RNF216: variants seen among roughly 807,000 people sequenced by gnomAD.
The protein encoded by RNF216 is E3 ubiquitin-protein ligase RNF216.
In RNF216, 72 loss-of-function variants were observed where a neutral mutation model predicts 110.8. The ratio of observed to expected loss-of-function variants is 0.65; its 90% CI spans 0.54 to 0.79. The LOEUF is 0.79. Among genes scored for constraint, RNF216 ranks in the 30% least tolerant of loss-of-function variants. RNF216 has a pLI of 0.00. For missense variants in RNF216, 1,342 were observed against 1,141.2 expected (o/e 1.18, Z -2.54); for synonymous variants, 495 against 407.5 (o/e 1.21, Z -2.59).
chr7:5,702,589 T>G (rs1001740588), intron 13 of RNF216, among the ~76,000 whole-genome samples: 1 of 152,134 alleles, frequency 6.6e-6, no homozygotes, highest in Non-Finnish European at 1.5e-5. Flanking sequence ...TAAAAGAATC[T>G]AACAAACACA....
chr7:5,679,390 G>A (rs539966727), intron 13 of RNF216, among the ~76,000 whole-genome samples: 3 of 152,350 alleles, frequency 2.0e-5, no homozygotes, highest in African/African-American at 4.8e-5. Flanking sequence ...GCTGTGGTCC[G>A]GCCAGCCTCA....
chr7:5,748,949 T>TTA (rs141581160), intron 3 of RNF216, among the ~76,000 whole-genome samples: 1 of 152,226 alleles, frequency 6.6e-6, no homozygotes, highest in East Asian at 1.9e-4. Context: ...TATATATGCG[T>TTA]TATGTGTGTG....
chr7:5,660,557 T>C (rs1789050065), intron 13 of RNF216, among the ~76,000 whole-genome samples: 1 of 151,802 alleles, frequency 6.6e-6, no homozygotes, highest in African/African-American at 2.4e-5. Context: ...CCCAAAGTGG[T>C]GGGATTACAG....
chr7:5,753,446 AT>A (rs1795438559), intron 2 of RNF216, among the ~76,000 whole-genome samples: 1 of 152,236 alleles, frequency 6.6e-6, no homozygotes, highest in Non-Finnish European at 1.5e-5. Context: ...TTTAAGAATC[AT>A]TTAAGCAAAC....
At chr7:5,667,588 AAC>A (rs1269697372) in intron 13 of RNF216, among the ~76,000 whole-genome samples, 1 of 152,206 alleles carries the variant, frequency 6.6e-6, no homozygotes, top group Non-Finnish European at 1.5e-5. Context: ...GTCAAATAGA[AAC>A]ACTGTTATCA....
chr7:5,715,541 T>C (rs1040607790), intron 10 of RNF216, among the ~76,000 whole-genome samples: 13 of 152,076 alleles, frequency 8.5e-5, no homozygotes, highest in South Asian at 2.1e-4. Flanking sequence ...ATAAGGAGTA[T>C]GAGAGATGTT....
chr7:5,623,111 G>A lies in RNF216; in HGVS notation c.2521C>T (p.Leu841Phe). 1 of 1,607,528 alleles carries A rather than the reference G, an allele frequency of 6.2e-7. No individual in the cohort carries two copies. The highest frequency in any genetic ancestry group is 8.5e-7 in the Non-Finnish European group (1 of 1,175,034). The change falls in exon 17 of 17, where the codon CTC (leucine) becomes TTC (phenylalanine). Residue 841 changes from leucine to phenylalanine, a missense_variant. Leu to Phe is a conservative substitution (Grantham distance 22). Transcript: ENST00000389902. ...PVEKVQRVEA[L>F]PRPVPQNLPQ... is the part of the protein sequence containing the mutation. ...AGGTTCTGCGGAACGGGCCTCGGGA[G>A]GGCCTCCACCCTCTGCACCTTCTCC...
At chr7:5,640,509 C>T (rs574965233) in intron 15 of RNF216, among the ~76,000 whole-genome samples, 14 of 152,282 alleles carry the variant, frequency 9.2e-5, no homozygotes, top group Non-Finnish European at 1.2e-4. Flanking sequence ...GCTTTCTTTC[C>T]GATCCCCAAA....
chr7:5,739,766 C>G, intron 4 of RNF216: 1 of 380,330 alleles, frequency 2.6e-6, no homozygotes, highest in Non-Finnish European at 5.3e-6. Flanking sequence ...TTTGGGAGGT[C>G]GAGGCAGGCG....
intron 2 of RNF216, among the ~76,000 whole-genome samples, chr7:5,760,213 A>C (rs890856458): frequency 6.6e-6 from 1 of 152,184 alleles, no homozygotes; most frequent in Non-Finnish European, 1.5e-5. Flanking sequence ...AAATTCCCCA[A>C]AACTTTAAAA....
intron 15 of RNF216, among the ~76,000 whole-genome samples, chr7:5,627,474 T>C (rs1019620778): frequency 6.6e-6 from 1 of 152,036 alleles, no homozygotes; most frequent in African/African-American, 2.4e-5. Flanking sequence ...GACTAGACAC[T>C]CGGTGGTTCA....
chr7:5,683,812 A>C (rs185264370), intron 13 of RNF216, among the ~76,000 whole-genome samples: 11 of 152,220 alleles, frequency 7.2e-5, no homozygotes, highest in Non-Finnish European at 1.6e-4. Context: ...AACCTGTTAA[A>C]AGTGCAAGAT....
intron 13 of RNF216, among the ~76,000 whole-genome samples, chr7:5,663,627 A>T (rs1209884843): frequency 6.8e-6 from 1 of 147,386 alleles, no homozygotes; most frequent in African/African-American, 2.5e-5. Context: ...GAGGCCGGGC[A>T]CAGTGGTTCG....
At chr7:5,665,200 C>G (rs1335061963) in intron 13 of RNF216, among the ~76,000 whole-genome samples, 1 of 152,202 alleles carries the variant, frequency 6.6e-6, no homozygotes, top group Non-Finnish European at 1.5e-5. Flanking sequence ...GGATTCCTCT[C>G]TATCCTCAAA....
At chr7:5,694,623 G>T (rs1351968736) in intron 13 of RNF216, among the ~76,000 whole-genome samples, 19 of 152,228 alleles carry the variant, frequency 1.2e-4, no homozygotes, top group African/African-American at 4.3e-4. Context: ...AGGGCTCCAA[G>T]CCAAAGGATG....
At chr7:5,694,175 G>A (rs755783427) in intron 13 of RNF216, among the ~76,000 whole-genome samples, 27 of 152,120 alleles carry the variant, frequency 1.8e-4, no homozygotes, top group African/African-American at 6.0e-4. Flanking sequence ...TACTAAAAAG[G>A]GCATTTTGTA....
intron 12 of RNF216, among the ~76,000 whole-genome samples, chr7:5,712,467 C>T (rs1792770949): frequency 6.7e-6 from 1 of 148,476 alleles, no homozygotes; most frequent in East Asian, 1.9e-4. Flanking sequence ...AGCGAGAATC[C>T]ACCTCAAAAA....
At chr7:5,690,328 A>C (rs1358024493) in intron 13 of RNF216, among the ~76,000 whole-genome samples, 1 of 96,046 alleles carries the variant, frequency 1.0e-5, no homozygotes, top group Admixed American at 9.5e-5. Flanking sequence ...ATTCCATCTC[A>C]AAAAAAAAAA....
chr7:5,753,023 T>C (rs762913196), intron 2 of RNF216, 44 bp from the exon 3 acceptor site: 2 of 1,578,924 alleles, frequency 1.3e-6, no homozygotes, highest in Middle Eastern at 1.7e-4. Flanking sequence ...GTTGGCACTA[T>C]CACATCCAAC....
Sources: allele counts gnomAD v4.1 joint callset (sites outside exome capture counted in the v4.1 genomes callset), GRCh38; gene constraint gnomAD v4.1.1; transcripts MANE v1.5; gene names NCBI Gene and HGNC (gene_info 2026-07-23, HGNC 2026-07-21).